SLC6A4: variants seen among roughly 807,000 people sequenced by gnomAD.
SLC6A4 encodes solute carrier family 6 member 4, also known as sodium-dependent serotonin transporter.
SLC6A4 carries 22 observed loss-of-function variants against 73.4 expected under a neutral mutation model. The observed-to-expected ratio is 0.30, with a 90% CI of 0.21 to 0.43. The LOEUF is 0.43. Among genes scored for constraint, SLC6A4 ranks in the 20% least tolerant of loss-of-function variants. SLC6A4 has a pLI of 1.00. For missense variants in SLC6A4, 593 were observed against 808.5 expected, an observed-to-expected ratio of 0.73 and a Z score of 3.23; for synonymous variants, 270 against 315.5, an observed-to-expected ratio of 0.86 and a Z score of 1.53.
intron 1 of SLC6A4, among the ~76,000 whole-genome samples, chr17:30,227,894 T>C (rs1906977492): frequency 6.6e-6 from 1 of 152,246 alleles, no homozygotes; most frequent in Non-Finnish European, 1.5e-5. Context: ...TTTCCCTGCC[T>C]GGGAGAGGAT....
At position 30,210,508 on chromosome 17, in the gene SLC6A4, TACTC is replaced by T; in HGVS notation, c.1449+3_1449+6del. On this transcript the variant is annotated splice_donor_5th_base_variant and intron_variant, in intron 11 of 14. Coordinates refer to ENST00000650711, the MANE Select transcript of SLC6A4 (RefSeq NM_001045.6). ...GCCAACTCAAAGCTGAGGGGCATGA[TACTC>T]ACAAAAGTCAGGGTGACCAGGGATC... is the stretch of plus-strand genomic sequence containing the variant. 1 of 1,612,026 alleles carries T rather than the reference TACTC, an allele frequency of 6.2e-7. No homozygotes were observed. The highest frequency in any genetic ancestry group is 8.5e-7 in the Non-Finnish European group (1 of 1,179,042).
chr17:30,226,862 G>T (rs1463155561), intron 1 of SLC6A4, among the ~76,000 whole-genome samples: 1 of 36,690 alleles, frequency 2.7e-5, no homozygotes, highest in Non-Finnish European at 5.3e-5. Context: ...GATAGAGTGA[G>T]ACTCTGTCTC....
intron 1 of SLC6A4, among the ~76,000 whole-genome samples, chr17:30,227,357 T>C (rs562756506): frequency 6.6e-6 from 1 of 152,270 alleles, no homozygotes; most frequent in East Asian, 1.9e-4. Context: ...TCTGCTTGTT[T>C]TTTTTTTGGA....
At position 30,198,392 on chromosome 17, in the gene SLC6A4, G is replaced by A; in HGVS notation, c.*64C>T. ...TCATTCACTTGGAGGGGAGAAGGCAGGCGTGCCTCATCAGAACTGGAGGAG... is the reference window on the plus strand; with the variant it reads ...TCATTCACTTGGAGGGGAGAAGGCAAGCGTGCCTCATCAGAACTGGAGGAG... On this transcript the variant is annotated 3_prime_UTR_variant, in exon 15 of 15. Transcript: ENST00000650711. The A allele has an allele frequency of 1.1e-6, 1 of 895,542 alleles. No homozygotes were observed. Among genetic ancestry groups the A allele is most frequent in the South Asian group, 1.4e-5 (1 of 70,396 alleles). 55.5% of individuals were successfully genotyped at this position (895,542 alleles called of 1,614,324 possible).
At position 30,218,822 on chromosome 17, in the gene SLC6A4, C is replaced by T; in HGVS notation, c.453G>A (p.Trp151Ter). 1 of 1,614,050 alleles carries T rather than the reference C, an allele frequency of 6.2e-7. No homozygotes were observed. The highest frequency in any genetic ancestry group is 1.7e-5 in the Admixed American group (1 of 60,018). Residue 151 changes from tryptophan to a stop codon, truncating the protein, a stop_gained, in exon 4 of 15, where the codon TGG (tryptophan) becomes TGA (stop). Transcript: ENST00000650711. LOFTEE classifies it high-confidence loss of function. ...QYHRNGCISIWRKICPIFKGI... is the reference protein window; with the variant it reads ...QYHRNGCISI ...CTTTGAAAATCGGGCAGATTTTCCT[C>T]CATATTGAAATGCATCCATTTCGGT...
Position 30,198,939 on chromosome 17 carries a change from C to T in SLC6A4, c.1819-409G>A, listed in dbSNP as rs931560856. On this transcript the variant is annotated intron_variant, in intron 14 of 14. Coordinates refer to ENST00000650711, the MANE Select transcript of SLC6A4 (RefSeq NM_001045.6). ...CTGGGTTTTGGCCCCCATCCCCTCA[C>T]CCAGGCTCCTTGTCTCCTGCAGACA... is the stretch of plus-strand genomic sequence containing the variant. 5.9e-5 allele frequency among the ~76,000 whole-genome samples: 9 copies of T among 152,276 alleles called. No homozygotes were observed. In the East Asian group the frequency reaches 9.7e-4, roughly 16 times the overall value.
Position 30,213,302 on chromosome 17 carries a change from C to CTTT in SLC6A4, c.1077-438_1077-436dup, listed in dbSNP as rs3034289. Among the ~76,000 whole-genome samples, 503 of 129,814 alleles carry CTTT rather than the reference C, an allele frequency of 3.9e-3. 8 individuals are homozygous for CTTT. Among genetic ancestry groups the CTTT allele is most frequent in the African/African-American group, 0.014 (477 of 34,146 alleles). 85.2% of individuals were successfully genotyped at this position (129,814 alleles called of 152,430 possible). ...CAGAGAGATACCCTCATTTTTTTTT[C>CTTT]TTTTTTTTTTTTTTTTTTGAGACAG... On this transcript the variant is annotated intron_variant, in intron 8 of 14. Coordinates refer to ENST00000650711, the MANE Select transcript of SLC6A4 (RefSeq NM_001045.6).
At chr17:30,226,742 C>T (rs1002268045) in intron 1 of SLC6A4, among the ~76,000 whole-genome samples, 3 of 151,506 alleles carry the variant, frequency 2.0e-5, no homozygotes, top group South Asian at 2.1e-4. Flanking sequence ...ATGAGCCGGG[C>T]GTGGTGGTGC....
At chr17:30,200,839 C>G (rs1460110669) in intron 14 of SLC6A4, among the ~76,000 whole-genome samples, 1 of 152,084 alleles carries the variant, frequency 6.6e-6, no homozygotes, top group East Asian at 1.9e-4. Flanking sequence ...AGTGCAGTGG[C>G]TCGATGATCT....
intron 14 of SLC6A4, among the ~76,000 whole-genome samples, chr17:30,202,678 A>G (rs1050657604): frequency 6.6e-6 from 1 of 152,210 alleles, no homozygotes; most frequent in African/African-American, 2.4e-5. Context: ...AAATCATGCT[A>G]TTGTTAGATA....
chr17:30,212,666 T>C lies in SLC6A4; in HGVS notation c.1204+74A>G, dbSNP rs557942917. ...GGAACATTTAGAAATAAATCAAAAG[T>C]TAGATCTTTACAAAGATTCAAAGCA... On this transcript the variant is annotated intron_variant, in intron 9 of 14. Transcript: ENST00000650711. 8 of 1,521,362 alleles carry C rather than the reference T, an allele frequency of 5.3e-6. No homozygotes were observed. The African/African-American group carries it at 8.2e-5, about 16-fold the overall frequency. 94.2% of individuals were successfully genotyped at this position (1,521,362 alleles called of 1,614,324 possible). A position where few individuals can be genotyped will look rare whatever the true frequency, so the allele number is the denominator to read the frequency against.
rs1291362426 is a variant in SLC6A4 at position 30,222,818 on chromosome 17, C to G, written c.-124+1G>C. The G allele has an allele frequency of 8.4e-6, 11 of 1,304,638 alleles. No individual in the cohort carries two copies. The highest frequency in any genetic ancestry group is 9.1e-6 in the Non-Finnish European group (9 of 988,948). The allele number at this position is 1,304,638 out of a possible 1,614,324, so 80.8% of individuals were successfully genotyped here. On this transcript the variant is annotated splice_donor_variant, in intron 2 of 14. Coordinates refer to ENST00000650711, the MANE Select transcript of SLC6A4 (RefSeq NM_001045.6). LOFTEE classifies it low-confidence loss of function (5UTR_SPLICE). ...GGTCCTTAAACGGCACTGCTGCTCA[C>G]CATTTGTTCTTCTTTCCACTTGCCA... is the stretch of plus-strand genomic sequence containing the variant.
rs1905856415 is a variant in SLC6A4 at position 30,196,237 on chromosome 17, TTAAAA to T, written c.*2214_*2218del. On this transcript the variant is annotated 3_prime_UTR_variant, in exon 15 of 15. Transcript: ENST00000650711. ...TGCTACATATAGATATAAAAGGTCT[TTAAAA>T]TATTATTTTAAAATCCACCTACCTA... 1 of 152,052 alleles carries T rather than the reference TTAAAA, an allele frequency of 6.6e-6. No individual in the cohort carries two copies. Among genetic ancestry groups the T allele is most frequent in the African/African-American group, 2.4e-5 (1 of 41,440 alleles). The allele number at this position is 152,052 out of a possible 1,614,324, so 9.4% of individuals were successfully genotyped here.
chr17:30,210,600 G>C lies in SLC6A4; in HGVS notation c.1364C>G (p.Pro455Arg), dbSNP rs1906355873. ...GVITAVLDEF[P>R]HVWAKRRERF... ...CTCCCGGCGCTTGGCCCAGACGTGTGGGAACTCATCCAGCACAGCCGTGAT... is the reference window on the plus strand; with the variant it reads ...CTCCCGGCGCTTGGCCCAGACGTGTCGGAACTCATCCAGCACAGCCGTGAT... Residue 455 changes from proline to arginine, a missense_variant, in exon 11 of 15, where the codon CCA becomes CGA. By Grantham distance (103) the Pro-to-Arg change is moderately radical. Coordinates refer to ENST00000650711, the MANE Select transcript of SLC6A4 (RefSeq NM_001045.6). 1 of 1,613,610 alleles carries C rather than the reference G, an allele frequency of 6.2e-7. No homozygotes were observed. The highest frequency in any genetic ancestry group is 1.1e-5 in the South Asian group (1 of 91,028).
chr17:30,211,462 G>A lies in SLC6A4; in HGVS notation c.1205-38C>T. 1 of 1,274,300 alleles carries A rather than the reference G, an allele frequency of 7.8e-7. No individual in the cohort carries two copies. Among genetic ancestry groups the A allele is most frequent in the African/African-American group, 1.5e-5 (1 of 68,292 alleles). The allele number at this position is 1,274,300 out of a possible 1,614,324, so 78.9% of individuals were successfully genotyped here. On this transcript the variant is annotated intron_variant, in intron 9 of 14. Coordinates refer to ENST00000650711, the MANE Select transcript of SLC6A4 (RefSeq NM_001045.6). This position sits in a 1 kb window ranked among gnomAD's most constrained non-coding sequence, Gnocchi z 4.0. The stretch of plus-strand genomic sequence containing the variant: ...GGAGAGAGGAGGAGGTGGTTGACAA[G>A]ACCTGTCCTACAAAGATGTCACAGA...
intron 1 of SLC6A4, among the ~76,000 whole-genome samples, chr17:30,231,636 G>A (rs79801353): frequency 0.012 from 1,754 of 152,066 alleles, 35 homozygotes; most frequent in African/African-American, 0.041. Flanking sequence ...ACACAAATTG[G>A]CAAAATGTTA....
intron 1 of SLC6A4, among the ~76,000 whole-genome samples, chr17:30,233,634 A>G (rs1370004733): frequency 1.3e-5 from 2 of 152,220 alleles, no homozygotes; most frequent in Non-Finnish European, 2.9e-5. Flanking sequence ...TCCTCTCCAC[A>G]GCCCCTCATT....
At chr17:30,206,707 CTTTTCTTTTTT>C (rs1180195059) in intron 13 of SLC6A4, among the ~76,000 whole-genome samples, 2 of 114,540 alleles carry the variant, frequency 1.7e-5, no homozygotes, top group Non-Finnish European at 3.6e-5. Context: ...TTTTTCTTTT[CTTTTCTTTTTT>C]TTTTTTTTTT....
At chr17:30,212,612 C>A (rs952824728) in intron 9 of SLC6A4, 128 bp downstream of exon 9, 1 of 1,084,888 alleles carries the variant, frequency 9.2e-7, no homozygotes, top group African/African-American at 1.6e-5. Context: ...TTGAACTCCA[C>A]CATGCCCAGC....
Sources: gnomAD v4.1 joint callset for allele counts (sites outside exome capture counted in the v4.1 genomes callset) on GRCh38, gnomAD v4.1.1 for gene constraint, Gnocchi (gnomAD v3.1) non-coding constraint, MANE v1.5 for transcripts, NCBI Gene and HGNC (gene_info 2026-07-23, HGNC 2026-07-21) for gene names.